The following AFF3 variants were observed in gnomAD, a reference collection of about 807,000 sequenced individuals.
AFF3 encodes the protein AF4/FMR2 family member 3.
Under a neutral mutation model 129.7 loss-of-function variants are expected in AFF3, and 32 were observed. The ratio of observed to expected loss-of-function variants is 0.25; its 90% CI spans 0.19 to 0.33. The LOEUF (loss-of-function observed/expected upper bound fraction) is 0.33, where lower values mean the gene tolerates loss of function less well. Ranked by LOEUF, AFF3 falls within the 10% of genes least tolerant of loss-of-function variation. The pLI is 1.00. For missense variants in AFF3, 1,373 were observed against 1,592.0 expected, an observed-to-expected ratio of 0.86 and a Z score of 2.34; for synonymous variants, 644 against 635.4, an observed-to-expected ratio of 1.01 and a Z score of -0.20.
chr2:99,721,397 C>T (rs1678873301), intron 11 of AFF3, among the ~76,000 whole-genome samples: 2 of 152,102 alleles, frequency 1.3e-5, no homozygotes, highest in South Asian at 4.2e-4. Context: ...GGCATGGTGG[C>T]ACGCACCTGT....
intron 7 of AFF3, among the ~76,000 whole-genome samples, chr2:99,881,572 G>A (rs556711179): frequency 6.6e-6 from 1 of 151,882 alleles, no homozygotes; most frequent in Non-Finnish European, 1.5e-5. Context: ...CAGTACTATG[G>A]GATTGGTGAT....
intron 7 of AFF3, among the ~76,000 whole-genome samples, chr2:99,924,153 G>A (rs1244169698): frequency 2.6e-5 from 4 of 152,128 alleles, no homozygotes. Flanking sequence ...TCCTTTCCAA[G>A]TCTCACTGAA....
At chr2:100,135,588 G>A (rs1369499879) in intron 1 of AFF3, among the ~76,000 whole-genome samples, 1 of 152,182 alleles carries the variant, frequency 6.6e-6, no homozygotes, top group African/African-American at 2.4e-5. Context: ...GGATCCTCCT[G>A]CTCAGCCAGC....
At chr2:99,945,981 A>G (rs1029588259) in intron 7 of AFF3, among the ~76,000 whole-genome samples, 1 of 152,226 alleles carries the variant, frequency 6.6e-6, no homozygotes, top group Non-Finnish European at 1.5e-5. Context: ...CGTATGTGCA[A>G]AGCCAGTTAA....
rs79019303 is a variant in AFF3, at chr2:99,773,469, C to T, written c.922-21168G>A. ...TTTTATTACTAAAATGCTTGGAGTG[C>T]TCAAACGTTTTGGGAATTCTTCTTT... On this transcript the variant is annotated intron_variant, in intron 8 of 24. Coordinates refer to ENST00000672756, the MANE Select transcript of AFF3 (RefSeq NM_001386135.1). 4.6e-3 allele frequency among the ~76,000 whole-genome samples: 698 copies of T among 151,178 alleles called. 5 individuals carry two copies. The highest frequency in any genetic ancestry group is 0.015 in the African/African-American group (619 of 41,066).
intron 11 of AFF3, among the ~76,000 whole-genome samples, chr2:99,674,439 C>T (rs1376386531): frequency 6.6e-6 from 1 of 152,148 alleles, no homozygotes; most frequent in Non-Finnish European, 1.5e-5. Flanking sequence ...AGGCCCCTTC[C>T]CCAAGACTGT....
intron 4 of AFF3, among the ~76,000 whole-genome samples, chr2:100,047,442 G>C (rs150671441): frequency 2.6e-5 from 4 of 152,256 alleles, no homozygotes; most frequent in Non-Finnish European, 5.9e-5. Context: ...GGTAAATGCT[G>C]AGTCTTACAA....
chr2:99,890,183 C>T (rs960545055), intron 7 of AFF3, among the ~76,000 whole-genome samples: 1 of 152,166 alleles, frequency 6.6e-6, no homozygotes, highest in African/African-American at 2.4e-5. Flanking sequence ...GCTCAGCCAG[C>T]GGTGCTCTGT....
chr2:100,088,334 A>G (rs908693691), intron 4 of AFF3, among the ~76,000 whole-genome samples: 15 of 152,230 alleles, frequency 9.9e-5, no homozygotes, highest in Non-Finnish European at 2.2e-4. Context: ...GTCACAGGAT[A>G]CAAAATCAAT....
At chr2:99,921,634 A>C (rs1283816892) in intron 7 of AFF3, among the ~76,000 whole-genome samples, 1 of 152,162 alleles carries the variant, frequency 6.6e-6, no homozygotes, top group Admixed American at 6.6e-5. Context: ...TTTCAAAATA[A>C]AAAGCTTTAA....
Position 99,758,585 on chromosome 2 carries a change from C to CAA in AFF3, c.922-6286_922-6285dup, listed in dbSNP as rs5832882. ...TGGGTGACAGAGCGAGACTCCATCT[C>CAA]AAAAAAAAAAAAAAAAAAGCTTCAT... On this transcript the variant is annotated intron_variant, in intron 8 of 24. Coordinates refer to ENST00000672756, the MANE Select transcript of AFF3 (RefSeq NM_001386135.1). Among the ~76,000 whole-genome samples, 474 of 102,524 alleles carry CAA rather than the reference C, an allele frequency of 4.6e-3. 4 individuals are homozygous for CAA. Among genetic ancestry groups the CAA allele is most frequent in the East Asian group, 0.011 (37 of 3,376 alleles). 67.3% of individuals were successfully genotyped at this position (102,524 alleles called of 152,430 possible). A position where few individuals can be genotyped will look rare whatever the true frequency, so the allele number is the denominator to read the frequency against.
chr2:99,752,578 G>A (rs1681747519), intron 8 of AFF3, among the ~76,000 whole-genome samples: 1 of 152,128 alleles, frequency 6.6e-6, no homozygotes, highest in Non-Finnish European at 1.5e-5. Context: ...AAGGTCCTGA[G>A]TAAAGGGACA....
intron 8 of AFF3, among the ~76,000 whole-genome samples, chr2:99,827,900 AG>A (rs1688210316): frequency 6.6e-6 from 1 of 152,016 alleles, no homozygotes; most frequent in Admixed American, 6.6e-5. Context: ...CCACTGGCCC[AG>A]GGGTGCTCAT....
chr2:99,689,200 C>A (rs1373603643), intron 11 of AFF3, among the ~76,000 whole-genome samples: 1 of 151,516 alleles, frequency 6.6e-6, no homozygotes, highest in Non-Finnish European at 1.5e-5. Flanking sequence ...CTATTTCCCA[C>A]CTTGCTGCAG....
chr2:99,843,329 G>T (rs1476808723), intron 7 of AFF3, among the ~76,000 whole-genome samples: 2 of 152,168 alleles, frequency 1.3e-5, no homozygotes, highest in African/African-American at 2.4e-5. Flanking sequence ...CCTGTCAGGG[G>T]CTTCACTCTG....
chr2:99,809,112 T>C (rs1686588576), intron 8 of AFF3, among the ~76,000 whole-genome samples: 1 of 152,168 alleles, frequency 6.6e-6, no homozygotes. Flanking sequence ...GAAAATGAAG[T>C]CGAAGTGCAG....
intron 4 of AFF3, among the ~76,000 whole-genome samples, chr2:100,057,977 C>T (rs114040495): frequency 1.3e-5 from 2 of 152,274 alleles, no homozygotes; most frequent in African/African-American, 2.4e-5. Flanking sequence ...TTGAGTAAAT[C>T]ACCCTAGCTA....
At chr2:99,559,349 G>A (rs541874256) in intron 21 of AFF3, among the ~76,000 whole-genome samples, 1 of 152,352 alleles carries the variant, frequency 6.6e-6, no homozygotes, top group East Asian at 1.9e-4. Context: ...TCTGCGGAAA[G>A]GACGACGCTG....
rs376970209 is a variant in AFF3, at chr2:99,659,508, G to C, written c.1144-9842C>G. On this transcript the variant is annotated intron_variant, in intron 12 of 24. Coordinates refer to ENST00000672756, the MANE Select transcript of AFF3 (RefSeq NM_001386135.1). ...GAGGAAGTGATTTATCTTCTGGACA[G>C]CTGCCTTGGCTTCCAGATCTCACTA... Among the ~76,000 whole-genome samples, 11 of 152,336 alleles carry C rather than the reference G, an allele frequency of 7.2e-5. No individual in the cohort carries two copies. The East Asian group carries it at 1.2e-3, about 16-fold the overall frequency.
Sources: allele counts gnomAD v4.1 joint callset (sites outside exome capture counted in the v4.1 genomes callset), GRCh38; gene constraint gnomAD v4.1.1; transcripts MANE v1.5; gene names NCBI Gene and HGNC (gene_info 2026-07-23, HGNC 2026-07-21).